Variants in AP3B1 observed in about 807,000 individuals in gnomAD.
AP3B1 encodes AP-3 complex subunit beta-1.
AP3B1 carries 61 observed loss-of-function variants against 132.5 expected under a neutral mutation model. The ratio of observed to expected loss-of-function variants is 0.46; its 90% CI spans 0.37 to 0.57. The LOEUF (loss-of-function observed/expected upper bound fraction) is 0.57, where lower values mean the gene tolerates loss of function less well. Among genes scored for constraint, AP3B1 ranks in the 20% least tolerant of loss-of-function variants. AP3B1 has a pLI of 0.00. For missense variants in AP3B1, 1,120 were observed against 1,289.4 expected, an observed-to-expected ratio of 0.87 and a Z score of 2.01; for synonymous variants, 388 against 438.3, an observed-to-expected ratio of 0.89 and a Z score of 1.43.
intron 13 of AP3B1, among the ~76,000 whole-genome samples, chr5:78,161,835 A>G (rs1231269766): frequency 1.3e-5 from 2 of 151,990 alleles, no homozygotes; most frequent in Non-Finnish European, 2.9e-5. Context: ...TTCATCAGAA[A>G]TACTCTCAAC....
intron 14 of AP3B1, among the ~76,000 whole-genome samples, chr5:78,148,834 T>C (rs1253578738): frequency 6.6e-6 from 1 of 152,220 alleles, no homozygotes; most frequent in African/African-American, 2.4e-5. Context: ...GAGTTCTCTG[T>C]GCTAGTTCAT....
rs1260956613 is a variant in AP3B1, at chr5:78,216,077, T to A, written c.764A>T (p.Gln255Leu). 1.9e-6 allele frequency: 3 copies of A among 1,614,020 alleles called. No homozygotes were observed. Among genetic ancestry groups the A allele is most frequent in the Non-Finnish European group, 2.5e-6 (3 of 1,179,910 alleles). ...TACCTCTTTCCAAGGGCTGACAAAC[T>A]GTGTCCGAGCATATCGAGTTAGCAT... ...IHMLTRYART[Q>L]FVSPWKEGDE... Residue 255 changes from glutamine (Q) to leucine (L), a missense_variant, in exon 7 of 27, where the codon CAG becomes CTG. Physicochemically the swap from Gln to Leu is moderately radical, Grantham distance 113 (BLOSUM62 -2). Around this residue, in one of 3 missense-constraint regions of AP3B1, gnomAD observed 906 missense variants for 997.1 expected, o/e 0.91. Transcript: ENST00000255194.
chr5:78,220,591 A>C (rs374930093), intron 6 of AP3B1, among the ~76,000 whole-genome samples: 3 of 152,116 alleles, frequency 2.0e-5, no homozygotes. Flanking sequence ...AATACTGGAA[A>C]AGATTCTTGG....
At chr5:78,040,706 CTTGA>C (rs1748039807) in intron 22 of AP3B1, among the ~76,000 whole-genome samples, 1 of 151,980 alleles carries the variant, frequency 6.6e-6, no homozygotes, top group Non-Finnish European at 1.5e-5. Context: ...ATTAAACAGG[CTTGA>C]TTAAGATTTT....
chr5:78,096,356 C>G (rs544397443), intron 21 of AP3B1, among the ~76,000 whole-genome samples: 1 of 152,126 alleles, frequency 6.6e-6, no homozygotes, highest in African/African-American at 2.4e-5. Context: ...GATCTTGGCT[C>G]GCTACAACCT....
chr5:78,113,758 C>T lies in AP3B1; in HGVS notation c.2243G>A (p.Gly748Glu), dbSNP rs753951880. ...TTCTGACAAAATAAGTTACCTTTTT[C>T]CTTTGGCTTTTGAGTTCCTCTTGGC... Reference protein sequence around the residue: ...RTAKRNSKAKGKSDSEDGEKE... With the variant: ...RTAKRNSKAKEKSDSEDGEKE... Residue 748 changes from glycine (G) to glutamate (E), a missense_variant, in exon 19 of 27, where the codon GGA becomes GAA. Physicochemically the swap from Gly to Glu is moderately conservative, Grantham distance 98 (BLOSUM62 -2). This residue lies in a region of AP3B1 where 906 missense variants were observed against 997.1 expected (regional missense o/e 0.91). Coordinates refer to ENST00000255194, the MANE Select transcript of AP3B1 (RefSeq NM_003664.5). 6.2e-7 allele frequency: 1 copy of T among 1,613,724 alleles called. No individual in the cohort carries two copies. Among genetic ancestry groups the T allele is most frequent in the Non-Finnish European group, 8.5e-7 (1 of 1,179,972 alleles).
chr5:78,180,820 G>A (rs972777638), intron 8 of AP3B1, among the ~76,000 whole-genome samples: 1 of 151,920 alleles, frequency 6.6e-6, no homozygotes, highest in Non-Finnish European at 1.5e-5. Context: ...TCTGAGTGTT[G>A]AGAATGTGAT....
chr5:78,184,042 C>T (rs1744491548), intron 7 of AP3B1, among the ~76,000 whole-genome samples: 1 of 151,334 alleles, frequency 6.6e-6, no homozygotes, highest in African/African-American at 2.4e-5. Context: ...GTGGTGGACG[C>T]CTGTAATCCC....
chr5:78,193,732 G>GTGTGTATATATA (rs1340871803), intron 7 of AP3B1, among the ~76,000 whole-genome samples: 1 of 89,254 alleles, frequency 1.1e-5, no homozygotes, highest in South Asian at 3.4e-4. Flanking sequence ...TTAAATATTT[G>GTGTGTATATATA]TATATATTTT....
chr5:78,210,534 T>G (rs1239365914), intron 7 of AP3B1, among the ~76,000 whole-genome samples: 1 of 152,162 alleles, frequency 6.6e-6, no homozygotes, highest in Non-Finnish European at 1.5e-5. Flanking sequence ...TTACTCCAAA[T>G]TTTAAACTGG....
In AP3B1 at chr5:78,172,938, C is replaced by A. The variant is rs569086080; in HGVS notation, c.1167+2688G>T. On this transcript the variant is annotated intron_variant, in intron 11 of 26. Coordinates refer to ENST00000255194, the MANE Select transcript of AP3B1 (RefSeq NM_003664.5). ...CCTCTACACACTGCTTTAAATGTGT[C>A]CCAGAGATTCTGGTATGTTGTGTCT... is the stretch of plus-strand genomic sequence containing the variant. Among the ~76,000 whole-genome samples the A allele has an allele frequency of 1.3e-4, 20 of 152,272 alleles. No individual in the cohort carries two copies. The South Asian group carries it at 3.7e-3, about 28-fold the overall frequency.
At chr5:78,211,707 T>C (rs1745745877) in intron 7 of AP3B1, among the ~76,000 whole-genome samples, 2 of 152,208 alleles carry the variant, frequency 1.3e-5, no homozygotes, top group African/African-American at 4.8e-5. Context: ...CACTATGGAT[T>C]GGGAGCCTCA....
intron 22 of AP3B1, among the ~76,000 whole-genome samples, chr5:78,085,140 G>A (rs1644400318): frequency 6.6e-6 from 1 of 152,106 alleles, no homozygotes; most frequent in Admixed American, 6.6e-5. Context: ...TTATACAGAT[G>A]GCCCAACTGC....
intron 7 of AP3B1, among the ~76,000 whole-genome samples, chr5:78,203,454 C>G (rs1195804372): frequency 6.6e-6 from 1 of 152,046 alleles, no homozygotes. Flanking sequence ...AAACTGCCCC[C>G]CATGATTCAA....
chr5:78,036,524 T>C (rs1049036025), intron 23 of AP3B1, among the ~76,000 whole-genome samples: 3 of 152,164 alleles, frequency 2.0e-5, no homozygotes, highest in African/African-American at 7.2e-5. Flanking sequence ...AACTCAAATT[T>C]GTCAACCACT....
intron 17 of AP3B1, among the ~76,000 whole-genome samples, chr5:78,122,410 CCT>C (rs1182808335): frequency 6.6e-6 from 1 of 152,130 alleles, no homozygotes; most frequent in Non-Finnish European, 1.5e-5. Flanking sequence ...TCAAATTGTC[CCT>C]GTTTGCACAT....
At chr5:78,280,521 C>T (rs990616908) in intron 1 of AP3B1, among the ~76,000 whole-genome samples, 2 of 152,160 alleles carry the variant, frequency 1.3e-5, no homozygotes, top group Non-Finnish European at 2.9e-5. Flanking sequence ...GGCATACACA[C>T]AAACATGCCA....
chr5:78,012,510 G>C (rs1746662479), intron 26 of AP3B1, among the ~76,000 whole-genome samples: 1 of 152,158 alleles, frequency 6.6e-6, no homozygotes, highest in Non-Finnish European at 1.5e-5. Flanking sequence ...CTAAAATTTA[G>C]AACATTATTA....
At chr5:78,001,295 A>C (rs565846792), downstream of AP3B1, 34 of 152,364 alleles carry the variant, frequency 2.2e-4, no homozygotes, top group African/African-American at 7.5e-4. Context: ...TAAAATTCAA[A>C]GTTATGAAGC....
Sources: gnomAD v4.1 joint callset for allele counts (sites outside exome capture counted in the v4.1 genomes callset) on GRCh38, gnomAD v4.1.1 for gene constraint, gnomAD v4.1.1 regional missense constraint, MANE v1.5 for transcripts, NCBI Gene and HGNC (gene_info 2026-07-23, HGNC 2026-07-21) for gene names.